The following PRKN variants were observed in gnomAD, a reference collection of about 807,000 sequenced individuals.
PRKN encodes the protein parkin RBR E3 ubiquitin protein ligase.
Under a neutral mutation model 59.5 loss-of-function variants are expected in PRKN, and 56 were observed. The observed-to-expected ratio is 0.94, with a 90% CI of 0.76 to 1.18. PRKN has a LOEUF of 1.18. Ranked by LOEUF, PRKN falls within the 50% of genes most tolerant of loss-of-function variation. PRKN has a pLI of 0.00. For synonymous variants in PRKN, 250 were observed against 222.1 expected (o/e 1.13, Z -1.12); for missense variants, 657 against 596.4 (o/e 1.10, Z -1.06).
intron 2 of PRKN, among the ~76,000 whole-genome samples, chr6:162,314,924 C>T (rs1782682036): frequency 1.3e-5 from 2 of 152,084 alleles, no homozygotes; most frequent in African/African-American, 4.8e-5. Context: ...CCCCAGCATC[C>T]TATATTTATA....
intron 1 of PRKN, among the ~76,000 whole-genome samples, chr6:162,610,369 G>A (rs1782096462): frequency 6.6e-6 from 1 of 152,162 alleles, no homozygotes; most frequent in African/African-American, 2.4e-5. Context: ...TGTAAAAATA[G>A]CTCTAGAAAT....
chr6:162,607,706 G>C (rs1266847252), intron 1 of PRKN, among the ~76,000 whole-genome samples: 1 of 152,150 alleles, frequency 6.6e-6, no homozygotes, highest in Non-Finnish European at 1.5e-5. Context: ...ACCAGTGGGA[G>C]ATTTGCCTTA....
chr6:162,678,856 C>T (rs1311530251), intron 1 of PRKN, among the ~76,000 whole-genome samples: 2 of 152,164 alleles, frequency 1.3e-5, no homozygotes, highest in East Asian at 3.9e-4. Context: ...CTCACTGCAA[C>T]CTCTGCCTCC....
At chr6:161,958,149 G>A (rs1445998795) in intron 6 of PRKN, among the ~76,000 whole-genome samples, 1 of 152,030 alleles carries the variant, frequency 6.6e-6, no homozygotes, top group Non-Finnish European at 1.5e-5. Context: ...GTCTCTATAT[G>A]GTTAAAATGC....
intron 7 of PRKN, among the ~76,000 whole-genome samples, chr6:161,755,991 C>A (rs4339430): frequency 0.87 from 132,806 of 152,098 alleles, 58,181 homozygotes; most frequent in East Asian, 0.98. Flanking sequence ...GAGCAATTGA[C>A]AATTAGCAAT....
intron 7 of PRKN, among the ~76,000 whole-genome samples, chr6:161,765,374 A>T (rs1169021786): frequency 6.6e-6 from 1 of 152,200 alleles, no homozygotes; most frequent in Non-Finnish European, 1.5e-5. Flanking sequence ...GCTGGTTGCA[A>T]ATCTCATTAT....
intron 2 of PRKN, among the ~76,000 whole-genome samples, chr6:162,340,139 A>G (rs573481946): frequency 9.4e-6 from 1 of 106,082 alleles, no homozygotes; most frequent in South Asian, 2.5e-4. Context: ...ATCAATAAAA[A>G]AATAAATTAA....
intron 7 of PRKN, among the ~76,000 whole-genome samples, chr6:161,728,828 G>T (rs1361830974): frequency 1.3e-5 from 2 of 152,100 alleles, no homozygotes; most frequent in African/African-American, 2.4e-5. Context: ...GCCAAACCAG[G>T]CAGGAGCCTA....
chr6:162,368,116 G>C (rs1785550790), intron 2 of PRKN, among the ~76,000 whole-genome samples: 1 of 152,168 alleles, frequency 6.6e-6, no homozygotes, highest in Non-Finnish European at 1.5e-5. Context: ...GGGCATCTGG[G>C]AAATACAGTT....
chr6:162,653,188 A>G (rs1205216300), intron 1 of PRKN, among the ~76,000 whole-genome samples: 3 of 152,226 alleles, frequency 2.0e-5, no homozygotes, highest in Non-Finnish European at 2.9e-5. Context: ...AAGGATATAC[A>G]AACAGTTTAA....
intron 1 of PRKN, among the ~76,000 whole-genome samples, chr6:162,467,454 C>T (rs1791479624): frequency 6.6e-6 from 1 of 152,164 alleles, no homozygotes; most frequent in African/African-American, 2.4e-5. Context: ...GAGGAAACAG[C>T]ACCATGAATG....
At chr6:161,364,042 G>A (rs141015142) in intron 10 of PRKN, among the ~76,000 whole-genome samples, 2,389 of 151,830 alleles carry the variant, frequency 0.016, 57 homozygotes, top group African/African-American at 0.055. Flanking sequence ...GGTGGTGGGC[G>A]CCTGTAGTCC....
At chr6:161,995,400 A>G (rs1177895274) in intron 5 of PRKN, among the ~76,000 whole-genome samples, 3 of 152,194 alleles carry the variant, frequency 2.0e-5, no homozygotes, top group Non-Finnish European at 2.9e-5. Flanking sequence ...CAGGCAATAA[A>G]AAGTACATAA....
chr6:161,535,528 C>G (rs1779380820), intron 9 of PRKN, among the ~76,000 whole-genome samples: 1 of 152,194 alleles, frequency 6.6e-6, no homozygotes, highest in South Asian at 2.1e-4. Context: ...ATCCATTTGC[C>G]CTTTTCTTCA....
At chr6:161,374,855 G>A (rs977273327) in intron 10 of PRKN, among the ~76,000 whole-genome samples, 3 of 152,094 alleles carry the variant, frequency 2.0e-5, no homozygotes, top group Non-Finnish European at 1.5e-5. Flanking sequence ...GGTATACAGG[G>A]TATAGACTTG....
intron 1 of PRKN, among the ~76,000 whole-genome samples, chr6:162,551,088 A>C (rs1476806098): frequency 1.3e-5 from 2 of 152,192 alleles, no homozygotes; most frequent in Admixed American, 6.5e-5. Context: ...TGATGCTTGT[A>C]ATAGGCCTTC....
In PRKN at chr6:162,373,989, A is replaced by G. The variant is rs143954258; in HGVS notation, c.171+69321T>C. ...GTGTCTATTTGAACTGCTTTGAAGA[A>G]TTTGTCACCTTTCAGAGGCCAAAAC... On this transcript the variant is annotated intron_variant, in intron 2 of 11. Coordinates refer to ENST00000366898, the MANE Select transcript of PRKN (RefSeq NM_004562.3). 7.7e-4 allele frequency among the ~76,000 whole-genome samples: 118 copies of G among 152,286 alleles called. No homozygotes were observed. The East Asian group carries it at 0.018, about 23-fold the overall frequency.
intron 7 of PRKN, among the ~76,000 whole-genome samples, chr6:161,625,410 T>C (rs528654440): frequency 2.7e-5 from 4 of 150,296 alleles, no homozygotes; most frequent in South Asian, 4.3e-4. Context: ...TCGGGGCTGG[T>C]TGGGGGATGG....
At chr6:162,481,236 C>A (rs889622874) in intron 1 of PRKN, among the ~76,000 whole-genome samples, 1 of 152,172 alleles carries the variant, frequency 6.6e-6, no homozygotes, top group African/African-American at 2.4e-5. Context: ...ATCTAGCCAG[C>A]TTCAGATTTA....
Sources: allele counts gnomAD v4.1 joint callset (sites outside exome capture counted in the v4.1 genomes callset), GRCh38; gene constraint gnomAD v4.1.1; transcripts MANE v1.5; gene names NCBI Gene and HGNC (gene_info 2026-07-23, HGNC 2026-07-21).